The following FHIT variants were observed in gnomAD, a reference collection of about 807,000 sequenced individuals.
The protein encoded by FHIT is fragile histidine triad diadenosine triphosphatase.
In FHIT, 19 loss-of-function variants were observed where a neutral mutation model predicts 17.9. That is an observed-to-expected ratio of 1.06 (90% CI 0.74 to 1.56). The LOEUF (loss-of-function observed/expected upper bound fraction) is 1.56, where lower values mean the gene tolerates loss of function less well. FHIT is among the 40% of genes most tolerant of loss of function. The pLI is 0.00. For synonymous variants in FHIT, 81 were observed against 69.7 expected (o/e 1.16, Z -0.81); for missense variants, 248 against 189.2 (o/e 1.31, Z -1.82).
chr3:60,035,495 C>T (rs764409035), intron 5 of FHIT, among the ~76,000 whole-genome samples: 7 of 152,206 alleles, frequency 4.6e-5, no homozygotes, highest in Non-Finnish European at 7.3e-5. Context: ...GTTGGGATTA[C>T]AGGCGTGAGC....
At chr3:60,192,761 C>G (rs1394466942) in intron 5 of FHIT, among the ~76,000 whole-genome samples, 1 of 152,198 alleles carries the variant, frequency 6.6e-6, no homozygotes, top group African/African-American at 2.4e-5. Flanking sequence ...AATGATTCCA[C>G]CACCATCCGT....
chr3:60,819,880 T>C (rs1417127145), intron 4 of FHIT, among the ~76,000 whole-genome samples: 2 of 152,212 alleles, frequency 1.3e-5, no homozygotes, highest in East Asian at 1.9e-4. Context: ...GGAGAGAAAA[T>C]AGAAGTCTTT....
At chr3:61,109,964 T>A (rs2036106337) in intron 2 of FHIT, among the ~76,000 whole-genome samples, 1 of 152,016 alleles carries the variant, frequency 6.6e-6, no homozygotes, top group African/African-American at 2.4e-5. Flanking sequence ...TACCCTGACC[T>A]CCAAAATCAA....
At chr3:59,941,068 A>C (rs1426244468) in intron 7 of FHIT, among the ~76,000 whole-genome samples, 1 of 152,212 alleles carries the variant, frequency 6.6e-6, no homozygotes, top group Non-Finnish European at 1.5e-5. Context: ...GTGTTAAATG[A>C]ATGAGTTAAA....
intron 8 of FHIT, among the ~76,000 whole-genome samples, chr3:59,819,078 A>G (rs546926929): frequency 4.6e-5 from 7 of 152,160 alleles, no homozygotes; most frequent in Non-Finnish European, 8.8e-5. Flanking sequence ...ACAGTTCCAT[A>G]TGCTGTGTTT....
intron 8 of FHIT, among the ~76,000 whole-genome samples, chr3:59,797,899 C>T (rs559476826): frequency 6.6e-6 from 1 of 152,288 alleles, no homozygotes; most frequent in Admixed American, 6.5e-5. Flanking sequence ...AAAATCGTTA[C>T]ATTTGCTGTG....
chr3:60,827,400 T>C (rs1702162366), intron 3 of FHIT, among the ~76,000 whole-genome samples: 1 of 152,364 alleles, frequency 6.6e-6, no homozygotes, highest in African/African-American at 2.4e-5. Flanking sequence ...CATATCATCC[T>C]TTTGTACGTG....
intron 3 of FHIT, among the ~76,000 whole-genome samples, chr3:60,854,844 C>T (rs538856350): frequency 6.6e-6 from 1 of 152,252 alleles, no homozygotes; most frequent in South Asian, 2.1e-4. Context: ...CTGCTCCAAA[C>T]AAAATCAGAT....
In FHIT at chr3:59,748,222, A is replaced by G. The variant is rs988155843; in HGVS notation, c.*1363T>C. ...GAGGCTGAAATATAAAGTTTAAGAT[A>G]TATATACTAAAATTCAAAAAGTGAA... On this transcript the variant is annotated 3_prime_UTR_variant, in exon 10 of 10. Coordinates refer to ENST00000492590, the MANE Select transcript of FHIT (RefSeq NM_002012.4). Among the ~76,000 whole-genome samples, 2 of 152,178 alleles carry G rather than the reference A, an allele frequency of 1.3e-5. No individual in the cohort carries two copies. The highest frequency in any genetic ancestry group is 2.9e-5 in the Non-Finnish European group (2 of 68,030).
chr3:61,123,923 GTATGTGAATAACA>G (rs2036535287), intron 2 of FHIT, among the ~76,000 whole-genome samples: 1 of 152,114 alleles, frequency 6.6e-6, no homozygotes, highest in African/African-American at 2.4e-5. Flanking sequence ...AAAAGAAAAG[GTATGTGAATAACA>G]TAGTATCAAA....
chr3:59,831,465 T>A (rs1045981098), intron 8 of FHIT, among the ~76,000 whole-genome samples: 2 of 152,076 alleles, frequency 1.3e-5, no homozygotes, highest in African/African-American at 4.8e-5. Context: ...ATCAAAGAAG[T>A]AATAAAGCTG....
chr3:59,944,929 G>T (rs1706724782), intron 7 of FHIT, among the ~76,000 whole-genome samples: 2 of 152,134 alleles, frequency 1.3e-5, no homozygotes, highest in Non-Finnish European at 1.5e-5. Flanking sequence ...GTCTACCTTG[G>T]ATGGGCTTTT....
intron 4 of FHIT, among the ~76,000 whole-genome samples, chr3:60,583,901 G>C (rs1421107034): frequency 3.3e-5 from 5 of 152,052 alleles, no homozygotes; most frequent in African/African-American, 7.2e-5. Context: ...AGTAGTAAAA[G>C]TATCCCAGTT....
intron 5 of FHIT, among the ~76,000 whole-genome samples, chr3:60,245,640 G>C (rs1190731776): frequency 6.6e-6 from 1 of 151,986 alleles, no homozygotes; most frequent in East Asian, 1.9e-4. Context: ...CATTTGTAAA[G>C]ATAATCAAGC....
intron 5 of FHIT, among the ~76,000 whole-genome samples, chr3:60,409,646 A>T (rs555656826): frequency 5.9e-5 from 9 of 152,340 alleles, no homozygotes; most frequent in Non-Finnish European, 1.3e-4. Context: ...AAGCCATTTG[A>T]AAAGCTGAAC....
chr3:60,703,903 T>A (rs1465803860), intron 4 of FHIT, among the ~76,000 whole-genome samples: 1 of 152,180 alleles, frequency 6.6e-6, no homozygotes, highest in Non-Finnish European at 1.5e-5. Context: ...TTATTTTGCC[T>A]ATGGGAATAA....
intron 5 of FHIT, among the ~76,000 whole-genome samples, chr3:60,416,198 T>A (rs1378330541): frequency 1.3e-5 from 2 of 151,902 alleles, no homozygotes; most frequent in African/African-American, 2.4e-5. Context: ...AAATTCCCCA[T>A]AAGATCATAA....
chr3:60,162,702 G>A (rs1700993712), intron 5 of FHIT, among the ~76,000 whole-genome samples: 1 of 152,048 alleles, frequency 6.6e-6, no homozygotes. Context: ...TTAATATGAG[G>A]AGAAGTTAAA....
At position 60,597,758 on chromosome 3, in the gene FHIT, T is replaced by C. The variant is rs189499928; in HGVS notation, c.-17-60779A>G. ...TAAAAGCCGATCTTATCAACCTAAC[T>C]AAACCTAATTCTTCTTGCTTTATCT... On this transcript the variant is annotated intron_variant, in intron 4 of 9. Transcript: ENST00000492590. Among the ~76,000 whole-genome samples the C allele has an allele frequency of 8.1e-4, 124 of 152,246 alleles. 1 individual carries two copies. Among genetic ancestry groups the C allele is most frequent in the African/African-American group, 2.7e-3 (114 of 41,558 alleles).
Sources: gnomAD v4.1 joint callset for allele counts (sites outside exome capture counted in the v4.1 genomes callset) on GRCh38, gnomAD v4.1.1 for gene constraint, MANE v1.5 for transcripts, NCBI Gene and HGNC (gene_info 2026-07-23, HGNC 2026-07-21) for gene names.